The following ADAMTSL1 variants were observed in gnomAD, a reference collection of about 807,000 sequenced individuals.
ADAMTSL1 encodes the protein ADAMTS like 1.
ADAMTSL1 carries 126 observed loss-of-function variants against 201.8 expected under a neutral mutation model. The ratio of observed to expected loss-of-function variants is 0.62; its 90% CI spans 0.54 to 0.72. The LOEUF is 0.72. ADAMTSL1 is among the 30% of genes least tolerant of loss of function. The pLI is 0.00. For missense variants in ADAMTSL1, 2,679 were observed against 2,277.8 expected (o/e 1.18, Z -3.59); for synonymous variants, 1,121 against 903.4 (o/e 1.24, Z -4.32).
intron 2 of ADAMTSL1, among the ~76,000 whole-genome samples, chr9:18,386,621 C>T (rs993855718): frequency 1.3e-5 from 2 of 152,070 alleles, no homozygotes; most frequent in African/African-American, 4.8e-5. Context: ...TACCTTTATC[C>T]AAATTTGCTT....
chr9:18,063,709 C>CT (rs1471872562), intron 1 of ADAMTSL1, among the ~76,000 whole-genome samples: 1 of 152,166 alleles, frequency 6.6e-6, no homozygotes, highest in Non-Finnish European at 1.5e-5. Flanking sequence ...CACAGGCAGC[C>CT]TACTTCAGTT....
At chr9:18,184,743 C>T (rs549828525) in intron 2 of ADAMTSL1, among the ~76,000 whole-genome samples, 1 of 152,272 alleles carries the variant, frequency 6.6e-6, no homozygotes, top group East Asian at 1.9e-4. Flanking sequence ...AAATATGAGG[C>T]AGCAATATTA....
intron 1 of ADAMTSL1, among the ~76,000 whole-genome samples, chr9:17,993,223 G>T (rs1161258438): frequency 6.6e-6 from 1 of 152,102 alleles, no homozygotes; most frequent in African/African-American, 2.4e-5. Flanking sequence ...TCATGCAGAA[G>T]GGTGTAGCAC....
chr9:18,594,410 T>A (rs73431691), intron 4 of ADAMTSL1, among the ~76,000 whole-genome samples: 4,538 of 152,284 alleles, frequency 0.03, 197 homozygotes, highest in African/African-American at 0.092. Context: ...TTTTTGAATA[T>A]TGTCTCTACA....
At chr9:18,416,411 C>CA (rs1338539156) in intron 2 of ADAMTSL1, among the ~76,000 whole-genome samples, 2 of 150,966 alleles carry the variant, frequency 1.3e-5, no homozygotes, top group South Asian at 2.1e-4. Context: ...AAAATGAGGG[C>CA]AAAAAAAGGA....
In ADAMTSL1 at chr9:18,829,875, A is replaced by G; in HGVS notation, c.4147A>G (p.Ile1383Val). Residue 1383 changes from isoleucine (I) to valine (V), a missense_variant, in exon 23 of 29, where the codon ATC (isoleucine) becomes GTC (valine). Physicochemically the swap from Ile to Val is conservative, Grantham distance 29. Coordinates refer to ENST00000380548, the MANE Select transcript of ADAMTSL1 (RefSeq NM_001040272.6). ...PPQVPTQLED[I>V]RALLAATGPN... ...CCAAGTCCCCACACAGTTGGAAGAC[A>G]TCAGGGCCTTGCTCGCTGCCACTGG... 1 of 1,613,972 alleles carries G rather than the reference A, an allele frequency of 6.2e-7. No individual in the cohort carries two copies. The highest frequency in any genetic ancestry group is 1.1e-5 in the South Asian group (1 of 91,084).
At chr9:18,456,004 G>T (rs766815555) in intron 2 of ADAMTSL1, among the ~76,000 whole-genome samples, 1 of 151,990 alleles carries the variant, frequency 6.6e-6, no homozygotes, top group African/African-American at 2.4e-5. Context: ...TCTCTTCCTA[G>T]AAGTCATAAA....
intron 1 of ADAMTSL1, among the ~76,000 whole-genome samples, chr9:18,035,653 T>C (rs1489701936): frequency 6.6e-6 from 1 of 152,108 alleles, no homozygotes; most frequent in Non-Finnish European, 1.5e-5. Context: ...CCTGCTCAAG[T>C]TTTTCCTCCC....
Position 18,650,202 on chromosome 9 carries a change from G to A in ADAMTSL1, c.835-7437G>A, listed in dbSNP as rs144909654. Among the ~76,000 whole-genome samples the A allele has an allele frequency of 2.4e-3, 361 of 152,298 alleles. 3 individuals carry two copies. Among genetic ancestry groups the A allele is most frequent in the African/African-American group, 8.0e-3 (331 of 41,562 alleles). On this transcript the variant is annotated intron_variant, in intron 7 of 28. Coordinates refer to ENST00000380548, the MANE Select transcript of ADAMTSL1 (RefSeq NM_001040272.6). ...GCGTGGGACCCTCTGAGCCATGTGC[G>A]GGATATAATCTCCTGGTGTGCCGTT...
At chr9:18,138,529 CT>C (rs1257210301) in intron 1 of ADAMTSL1, among the ~76,000 whole-genome samples, 6 of 152,138 alleles carry the variant, frequency 3.9e-5, no homozygotes, top group Non-Finnish European at 4.4e-5. Flanking sequence ...CACAAAGCAG[CT>C]GGTGTGCGGC....
chr9:18,834,875 G>A (rs1825215197), intron 23 of ADAMTSL1, among the ~76,000 whole-genome samples: 1 of 152,170 alleles, frequency 6.6e-6, no homozygotes, highest in Admixed American at 6.5e-5. Context: ...CACCTGTTCA[G>A]AGACGGAATC....
chr9:18,905,825 G>A lies in ADAMTSL1; in HGVS notation c.4895G>A (p.Arg1632Lys). The A allele has an allele frequency of 6.2e-7, 1 of 1,613,690 alleles. No homozygotes were observed. Among genetic ancestry groups the A allele is most frequent in the African/African-American group, 1.3e-5 (1 of 75,042 alleles). ...GGGCCTCACCTAGCTGTGCAACACA[G>A]ACAAGTCTTCTGCCAGACACGGGAT... ...CIGPHLAVQH[R>K]QVFCQTRDGI... Residue 1632 changes from arginine (R) to lysine (K), a missense_variant, in exon 27 of 29, where the codon AGA becomes AAA. By Grantham distance (26) the Arg-to-Lys change is conservative (BLOSUM62 2). Transcript: ENST00000380548.
intron 1 of ADAMTSL1, among the ~76,000 whole-genome samples, chr9:17,981,740 A>G (rs887632000): frequency 6.6e-6 from 1 of 152,178 alleles, no homozygotes; most frequent in Non-Finnish European, 1.5e-5. Flanking sequence ...ATGATCACAC[A>G]TTGTTAGATA....
chr9:18,584,683 G>A (rs554283222), intron 4 of ADAMTSL1, among the ~76,000 whole-genome samples: 1 of 152,198 alleles, frequency 6.6e-6, no homozygotes, highest in Admixed American at 6.5e-5. Context: ...AGCTGCTGAA[G>A]CATTGTTACC....
rs1390372596 is a variant in ADAMTSL1, at chr9:18,197,580, C to G, written c.207+33599C>G. 5.5e-5 allele frequency among the ~76,000 whole-genome samples: 8 copies of G among 146,490 alleles called. No individual in the cohort carries two copies. In the South Asian group the frequency reaches 1.8e-3, roughly 34 times the overall value. On this transcript the variant is annotated intron_variant, in intron 2 of 29. Coordinates refer to the ADAMTSL1 transcript ENST00000680146. ...CTTATCAGCTTAAGGAGATTTTGGG[C>G]TGAGACAATGCGGTTTTCTAGATAT...
intron 1 of ADAMTSL1, among the ~76,000 whole-genome samples, chr9:18,018,683 T>A (rs919777016): frequency 1.3e-5 from 2 of 151,970 alleles, no homozygotes; most frequent in Non-Finnish European, 1.5e-5. Flanking sequence ...CCCAATTGAG[T>A]CTTCGGATGA....
At chr9:18,627,116 G>A (rs148167784) in intron 5 of ADAMTSL1, among the ~76,000 whole-genome samples, 243 of 151,992 alleles carry the variant, frequency 1.6e-3, no homozygotes, top group African/African-American at 5.7e-3. Context: ...CAAGTAGCTG[G>A]GATTACAGGT....
chr9:17,957,582 G>A (rs148505511), intron 1 of ADAMTSL1, among the ~76,000 whole-genome samples: 50 of 152,270 alleles, frequency 3.3e-4, no homozygotes, highest in African/African-American at 1.1e-3. Context: ...TAAATCAGGT[G>A]GGACCTTTGT....
At chr9:17,989,448 T>C (rs538544280) in intron 1 of ADAMTSL1, among the ~76,000 whole-genome samples, 1 of 152,134 alleles carries the variant, frequency 6.6e-6, no homozygotes, top group Non-Finnish European at 1.5e-5. Context: ...TTTAGAGTGT[T>C]TTAAAAAATC....
Sources: allele counts gnomAD v4.1 joint callset (sites outside exome capture counted in the v4.1 genomes callset), GRCh38; gene constraint gnomAD v4.1.1; transcripts MANE v1.5; gene names NCBI Gene and HGNC (gene_info 2026-07-23, HGNC 2026-07-21).